The following ERN1 variants were observed in gnomAD, a reference collection of about 807,000 sequenced individuals.
The protein encoded by ERN1 is endoplasmic reticulum to nucleus signaling 1.
A neutral mutation model predicts 113.1 loss-of-function variants in ERN1; 39 were observed. That is an observed-to-expected ratio of 0.34 (90% confidence interval 0.27 to 0.45). The LOEUF (loss-of-function observed/expected upper bound fraction) is 0.45. Among genes scored for constraint, ERN1 ranks in the 20% least tolerant of loss-of-function variants. The pLI is 1.00. For missense variants in ERN1, 976 were observed against 1,274.8 expected, an observed-to-expected ratio of 0.77 and a Z score of 3.57; for synonymous variants, 507 against 515.9, an observed-to-expected ratio of 0.98 and a Z score of 0.23.
intron 8 of ERN1, among the ~76,000 whole-genome samples, chr17:64,066,129 C>G (rs538811826): frequency 2.0e-5 from 3 of 152,068 alleles, no homozygotes; most frequent in South Asian, 2.1e-4. Flanking sequence ...AGAACAGAAG[C>G]CTGCTGAGTC....
chr17:64,123,768 A>C (rs1161846935), intron 1 of ERN1, among the ~76,000 whole-genome samples: 2 of 152,186 alleles, frequency 1.3e-5, no homozygotes, highest in African/African-American at 2.4e-5. Context: ...AAATAAAAAC[A>C]TATCTGTGTA....
rs201053599 is a variant in ERN1, at chr17:64,048,819, T to C, written c.2401+236A>G. On this transcript the variant is annotated intron_variant, in intron 18 of 21. Transcript: ENST00000433197. ...GGGGGCTTTGCCTAGGTCACACAAG[T>C]AGTTGGTGACCTGGAGGAACCTTGG... Among the ~76,000 whole-genome samples, 1,389 of 151,956 alleles carry C rather than the reference T, an allele frequency of 9.1e-3. 50 individuals carry two copies. Among genetic ancestry groups the C allele is most frequent in the Admixed American group, 0.062 (953 of 15,290 alleles).
Position 64,054,784 on chromosome 17 carries a change from G to C in ERN1, c.1717C>G (p.Pro573Ala). 1 of 1,610,590 alleles carries C rather than the reference G, an allele frequency of 6.2e-7. No individual in the cohort carries two copies. The highest frequency in any genetic ancestry group is 8.5e-7 in the Non-Finnish European group (1 of 1,178,726). ...VVIVGKISFCPKDVLGHGAEG... is the reference protein window; with the variant it reads ...VVIVGKISFCAKDVLGHGAEG... ...GCTCCATGGCCCAGGACATCCTTGG[G>C]ACAGAAGGAAATTTTCCCAACTATC... The change falls in exon 14 of 22, where the codon CCC becomes GCC. Residue 573 changes from proline to alanine, a missense_variant. This residue lies in a region of ERN1 where 112 missense variants were observed against 106.2 expected (regional missense o/e 1.05). Transcript: ENST00000433197. This position sits in a 1 kb window ranked among gnomAD's most constrained non-coding sequence, Gnocchi z 4.9.
At chr17:64,069,193 C>A (rs984309464) in intron 6 of ERN1, among the ~76,000 whole-genome samples, 2 of 152,136 alleles carry the variant, frequency 1.3e-5, no homozygotes, top group Non-Finnish European at 2.9e-5. Context: ...AGACCCTCTG[C>A]CCCCATCAAG....
At chr17:64,109,986 T>A (rs566509984) in intron 1 of ERN1, among the ~76,000 whole-genome samples, 1 of 152,302 alleles carries the variant, frequency 6.6e-6, no homozygotes, top group South Asian at 2.1e-4. Flanking sequence ...AAATGTAATT[T>A]TTAGAGTCTC....
rs1026739347 is a variant in ERN1, at chr17:64,039,216, A to G, written c.*4772T>C. 5 of 152,224 alleles carry G rather than the reference A, an allele frequency of 3.3e-5. No individual in the cohort carries two copies. Among genetic ancestry groups the G allele is most frequent in the African/African-American group, 1.2e-4 (5 of 41,446 alleles). The allele number at this position is 152,224 out of a possible 1,614,324, so 9.4% of individuals were successfully genotyped here. ...GCCATCAGCAGAATTATAAAACTGTACAGGAGGCACAAAAATAGGCTGTTT... is the reference window on the plus strand; with the variant it reads ...GCCATCAGCAGAATTATAAAACTGTGCAGGAGGCACAAAAATAGGCTGTTT... On this transcript the variant is annotated 3_prime_UTR_variant, in exon 22 of 22. Coordinates refer to ENST00000433197, the MANE Select transcript of ERN1 (RefSeq NM_001433.5).
chr17:64,045,292 G>A (rs1567859364), intron 20 of ERN1, 67 bp downstream of exon 20: 26 of 1,601,624 alleles, frequency 1.6e-5, no homozygotes, highest in South Asian at 1.5e-4. Flanking sequence ...CCATTTCCAC[G>A]TTTACTTTTT....
At chr17:64,092,935 C>G (rs189692295) in intron 2 of ERN1, among the ~76,000 whole-genome samples, 2 of 152,148 alleles carry the variant, frequency 1.3e-5, no homozygotes, top group Non-Finnish European at 2.9e-5. Flanking sequence ...TAGAGAAAGA[C>G]AGACTACAGC....
intron 10 of ERN1, among the ~76,000 whole-genome samples, chr17:64,061,165 C>A (rs369704045): frequency 3.9e-5 from 6 of 152,224 alleles, no homozygotes; most frequent in Non-Finnish European, 8.8e-5. Context: ...ACACAACTAT[C>A]GCATGGCTAC....
chr17:64,057,982 C>G lies in ERN1; in HGVS notation c.1218G>C (p.Leu406=), dbSNP rs750330083. 6.4e-7 allele frequency: 1 copy of G among 1,571,046 alleles called. No homozygotes were observed. Among genetic ancestry groups the G allele is most frequent in the South Asian group, 1.2e-5 (1 of 84,332 alleles). ...EKKSFEEVIN[L]VDQTSENAPT... ...GTGCGTTTTCTGAAGTCTGGTCAAC[C>G]AGGTTGATAACCTTGCATGGGAGAG... The change falls in exon 12 of 22, where the codon CTG becomes CTC. Residue 406 remains leucine (L), a synonymous_variant. Coordinates refer to ENST00000433197, the MANE Select transcript of ERN1 (RefSeq NM_001433.5).
chr17:64,078,931 G>A (rs574384675), intron 4 of ERN1, among the ~76,000 whole-genome samples: 7 of 152,324 alleles, frequency 4.6e-5, no homozygotes, highest in African/African-American at 1.7e-4. Context: ...GCTTGAGCCT[G>A]TGAGACGGAG....
chr17:64,079,928 T>A (rs996543324), intron 3 of ERN1, among the ~76,000 whole-genome samples, 194 bp from the exon 4 acceptor site: 1 of 152,158 alleles, frequency 6.6e-6, no homozygotes, highest in African/African-American at 2.4e-5. Flanking sequence ...AATACCCCTA[T>A]GGTGGTATAC....
At chr17:64,102,734 T>G in intron 1 of ERN1, 5 of 985,368 alleles carry the variant, frequency 5.1e-6, no homozygotes, top group Non-Finnish European at 6.0e-6. Flanking sequence ...GCCCAGCCAT[T>G]TCAGTCCTCA....
intron 1 of ERN1, among the ~76,000 whole-genome samples, chr17:64,106,082 CCAA>C (rs1250028921): frequency 7.2e-5 from 11 of 152,224 alleles, no homozygotes; most frequent in Admixed American, 1.3e-4. Flanking sequence ...CCGCAACCTG[CCAA>C]CAACAGCCAG....
chr17:64,044,106 T>C lies in ERN1; in HGVS notation c.2816A>G (p.His939Arg), dbSNP rs200145771. Residue 939 changes from histidine (H) to arginine (R), a missense_variant, in exon 22 of 22, where the codon CAC becomes CGC. His to Arg is a conservative substitution (Grantham distance 29, BLOSUM62 0). Coordinates refer to ENST00000433197, the MANE Select transcript of ERN1 (RefSeq NM_001433.5). This position sits in a 1 kb window ranked among gnomAD's most constrained non-coding sequence, Gnocchi z 4.1. ...FVCYFTSRFP[H>R]LLAHTYRAME... ...GGCCCGGTAGGTGTGTGCGAGGAGGTGGGGGAAGCGAGATGTGAAGTAGCA... is the reference window on the plus strand; with the variant it reads ...GGCCCGGTAGGTGTGTGCGAGGAGGCGGGGGAAGCGAGATGTGAAGTAGCA... 344 of 1,609,334 alleles carry C rather than the reference T, an allele frequency of 2.1e-4. No individual in the cohort carries two copies. The African/African-American group carries it at 4.3e-3, about 20-fold the overall frequency.
intron 10 of ERN1, among the ~76,000 whole-genome samples, chr17:64,061,514 G>A (rs1318645485): frequency 6.6e-6 from 1 of 152,200 alleles, no homozygotes; most frequent in African/African-American, 2.4e-5. Context: ...TCTAAGCTGT[G>A]TACATTTCTT....
Position 64,040,841 on chromosome 17 carries a change from G to A in ERN1, c.*3147C>T, listed in dbSNP as rs1458427592. 1 of 152,206 alleles carries A rather than the reference G, an allele frequency of 6.6e-6. No individual in the cohort carries two copies. The highest frequency in any genetic ancestry group is 1.5e-5 in the Non-Finnish European group (1 of 68,052). 9.4% of individuals were successfully genotyped at this position (152,206 alleles called of 1,614,324 possible). Reference sequence around the variant, plus strand: ...ATGTTTTGGTGCCTAATGACTTGTGGAGCACTTCAAAAACTGAGATTAGGC... The same window carrying A: ...ATGTTTTGGTGCCTAATGACTTGTGAAGCACTTCAAAAACTGAGATTAGGC... On this transcript the variant is annotated 3_prime_UTR_variant, in exon 22 of 22. Transcript: ENST00000433197.
rs773655917 is a variant in ERN1, at chr17:64,086,637, CTTTTTTTTTTTTTTT to C, written c.176-5844_176-5830del. Among the ~76,000 whole-genome samples, 14 of 47,600 alleles carry C rather than the reference CTTTTTTTTTTTTTTT, an allele frequency of 2.9e-4. 1 individual carries two copies. Among genetic ancestry groups the C allele is most frequent in the Admixed American group, 1.9e-3 (5 of 2,666 alleles). The allele number at this position is 47,600 out of a possible 152,430, so 31.2% of individuals were successfully genotyped here. On this transcript the variant is annotated intron_variant, in intron 2 of 21. Transcript: ENST00000433197. ...CATTTCTTTTTTTTTCTTTTCTTTC[CTTTTTTTTTTTTTTT>C]TTTTTTTTTTTTGAGATGGAGTCTC...
In ERN1 at chr17:64,054,665, G is replaced by T. The variant is rs1224023549; in HGVS notation, c.1763+73C>A. ...TTTGACCCTGCTGTGCTCTGAGCCT[G>T]GCACCAGGCTCGCAACCTGACAGGC... is the stretch of plus-strand genomic sequence containing the variant. On this transcript the variant is annotated intron_variant, in intron 14 of 21. Coordinates refer to ENST00000433197, the MANE Select transcript of ERN1 (RefSeq NM_001433.5). The surrounding 1 kb of genome is among the most constrained non-coding windows in gnomAD (Gnocchi z 4.9). 4 of 1,265,914 alleles carry T rather than the reference G, an allele frequency of 3.2e-6. No individual in the cohort carries two copies. Among genetic ancestry groups the T allele is most frequent in the Non-Finnish European group, 4.4e-6 (4 of 898,904 alleles). The allele number at this position is 1,265,914 out of a possible 1,614,324, so 78.4% of individuals were successfully genotyped here.
Sources: allele counts gnomAD v4.1 joint callset (sites outside exome capture counted in the v4.1 genomes callset), GRCh38; gene constraint gnomAD v4.1.1; regional missense constraint gnomAD v4.1.1; non-coding constraint Gnocchi (gnomAD v3.1); transcripts MANE v1.5; gene names NCBI Gene and HGNC (gene_info 2026-07-23, HGNC 2026-07-21).